The following MARCHF7 variants were observed in gnomAD, a reference collection of about 807,000 sequenced individuals.
MARCHF7 encodes E3 ubiquitin-protein ligase MARCHF7.
A neutral mutation model predicts 76.5 loss-of-function variants in MARCHF7; 20 were observed. The ratio of observed to expected loss-of-function variants is 0.26; its 90% CI spans 0.18 to 0.38. The LOEUF (loss-of-function observed/expected upper bound fraction) is 0.38. Ranked by LOEUF, MARCHF7 falls within the 10% of genes least tolerant of loss-of-function variation. The pLI, the probability that MARCHF7 is intolerant of heterozygous loss-of-function variation, is 1.00. For missense variants in MARCHF7, 797 were observed against 812.9 expected, an observed-to-expected ratio of 0.98 and a Z score of 0.24; for synonymous variants, 295 against 293.0, an observed-to-expected ratio of 1.01 and a Z score of -0.07.
rs772446948 is a variant in MARCHF7, at chr2:159,748,046, A to C, written c.756A>C (p.Pro252=). 2 of 1,614,206 alleles carry C rather than the reference A, an allele frequency of 1.2e-6. No individual in the cohort carries two copies. The highest frequency in any genetic ancestry group is 1.7e-6 in the Non-Finnish European group (2 of 1,180,034). ...ACAGTTCAAGTAGAGATGAAGCCCCAATCATAAGCAATTCAGAAAGGGTTG... is the reference window on the plus strand; with the variant it reads ...ACAGTTCAAGTAGAGATGAAGCCCCCATCATAAGCAATTCAGAAAGGGTTG... ...FSYSSSRDEA[P]IISNSERVVS... Residue 252 remains proline, a synonymous_variant, in exon 7 of 12, where the codon CCA becomes CCC. Coordinates refer to ENST00000409175, the MANE Select transcript of MARCHF7 (RefSeq NM_001282805.2).
chr2:159,715,122 A>G (rs1700886898), intron 2 of MARCHF7, among the ~76,000 whole-genome samples: 1 of 152,236 alleles, frequency 6.6e-6, no homozygotes, highest in Non-Finnish European at 1.5e-5. Context: ...CTTTTAAACA[A>G]CAAATTAACT....
Position 159,770,244 on chromosome 2 carries a change from A to G in MARCHF7, c.*2902A>G, listed in dbSNP as rs1043366932. ...TTAGTAATAGTCTATCAATAATAAA[A>G]TAGACATCTCAATCACTATACAAAA... On this transcript the variant is annotated 3_prime_UTR_variant, in exon 12 of 12. Coordinates refer to ENST00000409175, the MANE Select transcript of MARCHF7 (RefSeq NM_001282805.2). The G allele has an allele frequency of 2.0e-5, 3 of 152,238 alleles. No homozygotes were observed. Among genetic ancestry groups the G allele is most frequent in the Non-Finnish European group, 2.9e-5 (2 of 68,046 alleles). The allele number at this position is 152,238 out of a possible 1,614,324, so 9.4% of individuals were successfully genotyped here.
At chr2:159,741,344 C>T (rs1704098536) in intron 4 of MARCHF7, among the ~76,000 whole-genome samples, 1 of 152,010 alleles carries the variant, frequency 6.6e-6, no homozygotes, top group African/African-American at 2.4e-5. Context: ...GAGTGAGATG[C>T]TGTCTCAAAA....
rs528896320 is a variant in MARCHF7 at position 159,769,936 on chromosome 2, G to T, written c.*2594G>T. On this transcript the variant is annotated 3_prime_UTR_variant, in exon 12 of 12. Coordinates refer to ENST00000409175, the MANE Select transcript of MARCHF7 (RefSeq NM_001282805.2). The stretch of plus-strand genomic sequence containing the variant: ...TTGAACACTTGACAATGTGGCTAAT[G>T]TAATTCGAAAACTGGATTTTAAACT... 5 of 152,294 alleles carry T rather than the reference G, an allele frequency of 3.3e-5. No homozygotes were observed. The East Asian group carries it at 9.7e-4, about 29-fold the overall frequency. 9.4% of individuals were successfully genotyped at this position (152,294 alleles called of 1,614,324 possible).
intron 4 of MARCHF7, among the ~76,000 whole-genome samples, chr2:159,732,085 CAG>C (rs1702872172): frequency 6.6e-6 from 1 of 151,874 alleles, no homozygotes; most frequent in East Asian, 1.9e-4. Context: ...GCCTGGGCGA[CAG>C]AGCGAGACTC....
chr2:159,717,343 C>T (rs1701153259), intron 3 of MARCHF7, among the ~76,000 whole-genome samples: 4 of 152,080 alleles, frequency 2.6e-5, no homozygotes, highest in African/African-American at 9.7e-5. Context: ...CTTTAGACCA[C>T]TATAAGAATA....
chr2:159,751,285 C>A (rs1409036501), intron 7 of MARCHF7, among the ~76,000 whole-genome samples: 1 of 152,162 alleles, frequency 6.6e-6, no homozygotes, highest in Non-Finnish European at 1.5e-5. Context: ...TAAAAAGCAG[C>A]ATTTGGTTAT....
chr2:159,752,575 A>G lies in MARCHF7; in HGVS notation c.1783+4A>G. On this transcript the variant is annotated splice_donor_region_variant and intron_variant, in intron 8 of 11. Transcript: ENST00000409175. The stretch of plus-strand genomic sequence containing the variant: ...TTACAGGCCAAAATTAACTCTGGTA[A>G]GATTTACCCTTTTGTGTTTTCACAA... 6.7e-7 allele frequency: 1 copy of G among 1,494,520 alleles called. No homozygotes were observed. Among genetic ancestry groups the G allele is most frequent in the South Asian group, 1.3e-5 (1 of 74,742 alleles). 92.6% of individuals were successfully genotyped at this position (1,494,520 alleles called of 1,614,324 possible).
chr2:159,755,613 T>G (rs759880850), intron 8 of MARCHF7, among the ~76,000 whole-genome samples: 16 of 152,102 alleles, frequency 1.1e-4, no homozygotes, highest in Non-Finnish European at 1.9e-4. Flanking sequence ...AGTAAAGAGA[T>G]AGTTCAAAAA....
chr2:159,729,868 T>C (rs898479882), intron 4 of MARCHF7, among the ~76,000 whole-genome samples: 2 of 152,210 alleles, frequency 1.3e-5, no homozygotes, highest in African/African-American at 4.8e-5. Flanking sequence ...AAATAACAAA[T>C]GTTAAGTGTT....
intron 3 of MARCHF7, among the ~76,000 whole-genome samples, chr2:159,724,161 G>A (rs1460921516): frequency 6.6e-6 from 1 of 152,174 alleles, no homozygotes; most frequent in African/African-American, 2.4e-5. Context: ...TGCTAGATTG[G>A]AATTCAAGGC....
rs1707973721 is a variant in MARCHF7, at chr2:159,767,922, T to C, written c.*580T>C. The C allele has an allele frequency of 1.3e-5, 2 of 152,518 alleles. No individual in the cohort carries two copies. Among genetic ancestry groups the C allele is most frequent in the Admixed American group, 1.3e-4 (2 of 15,258 alleles). 9.4% of individuals were successfully genotyped at this position (152,518 alleles called of 1,614,324 possible). ...TTTGAATTCCAAATTCACCTAGCAA[T>C]AAAATCTAATTTTTAAAAAGTATAT... On this transcript the variant is annotated 3_prime_UTR_variant, in exon 12 of 12. Transcript: ENST00000409175.
chr2:159,755,140 GA>G (rs1706135521), intron 8 of MARCHF7, among the ~76,000 whole-genome samples: 1 of 152,162 alleles, frequency 6.6e-6, no homozygotes. Context: ...AGGACCTCAG[GA>G]AGTGTATAGT....
chr2:159,722,610 AAAACTTGGTTAAATG>A (rs1288676477), intron 3 of MARCHF7, among the ~76,000 whole-genome samples: 1 of 152,208 alleles, frequency 6.6e-6, no homozygotes, highest in African/African-American at 2.4e-5. Context: ...GAGTATCCAA[AAAACTTGGTTAAATG>A]AATGAATGGA....
At chr2:159,740,809 T>C (rs529709461) in intron 4 of MARCHF7, among the ~76,000 whole-genome samples, 1 of 152,352 alleles carries the variant, frequency 6.6e-6, no homozygotes, top group South Asian at 2.1e-4. Flanking sequence ...CCTTCTACTT[T>C]ATTTTCAAAG....
chr2:159,765,638 C>T (rs1707678423), intron 11 of MARCHF7, among the ~76,000 whole-genome samples: 1 of 152,118 alleles, frequency 6.6e-6, no homozygotes, highest in African/African-American at 2.4e-5. Context: ...TTAGAGAAAG[C>T]TCAGCATCCT....
chr2:159,745,803 C>G lies in MARCHF7; in HGVS notation c.380C>G (p.Ser127Cys). ...SSWRHSQVPR[S>C]SSMVLGSFGT... ...TGGAGGCATAGTCAAGTTCCTAGAT[C>G]TTCATCAATGGTACTTGGATCATTT... The change falls in exon 6 of 12, where the codon TCT becomes TGT. Residue 127 changes from serine to cysteine, a missense_variant. Transcript: ENST00000409175. The G allele has an allele frequency of 1.2e-6, 2 of 1,609,566 alleles. No individual in the cohort carries two copies. The highest frequency in any genetic ancestry group is 3.4e-5 in the Admixed American group (2 of 59,172).
intron 4 of MARCHF7, 24 bp from the exon 5 acceptor site, chr2:159,743,037 T>G: frequency 1.3e-6 from 2 of 1,596,836 alleles, no homozygotes; most frequent in Non-Finnish European, 8.5e-7. Flanking sequence ...TTTTGTTGTT[T>G]AAAAAATTTT....
chr2:159,768,338 T>G lies in MARCHF7; in HGVS notation c.*996T>G, dbSNP rs552350054. On this transcript the variant is annotated 3_prime_UTR_variant, in exon 12 of 12. Coordinates refer to ENST00000409175, the MANE Select transcript of MARCHF7 (RefSeq NM_001282805.2). ...ATGAACATTATTCACCATGAATGGA[T>G]CTATACTGTGTGGTCATGAGTTGTG... is the stretch of plus-strand genomic sequence containing the variant. 7 of 152,750 alleles carry G rather than the reference T, an allele frequency of 4.6e-5. No homozygotes were observed. The South Asian group carries it at 1.4e-3, about 32-fold the overall frequency. 9.5% of individuals were successfully genotyped at this position (152,750 alleles called of 1,614,324 possible).
Sources: allele counts gnomAD v4.1 joint callset (sites outside exome capture counted in the v4.1 genomes callset), GRCh38; gene constraint gnomAD v4.1.1; transcripts MANE v1.5; gene names NCBI Gene and HGNC (gene_info 2026-07-23, HGNC 2026-07-21).